The following XKR9 variants were observed in gnomAD, a reference collection of about 807,000 sequenced individuals.
XKR9 encodes the protein XK-related protein 9.
In XKR9, 32 loss-of-function variants were observed where a neutral mutation model predicts 32.0. That is an observed-to-expected ratio of 1.00 (90% confidence interval 0.76 to 1.34). The LOEUF is 1.34. Among genes scored for constraint, XKR9 ranks in the 40% most tolerant of loss-of-function variants. XKR9 has a pLI of 0.00. For missense variants in XKR9, 546 were observed against 429.7 expected, an observed-to-expected ratio of 1.27 and a Z score of -2.39; for synonymous variants, 168 against 143.4, an observed-to-expected ratio of 1.17 and a Z score of -1.22.
intron 4 of XKR9, among the ~76,000 whole-genome samples, chr8:70,728,593 C>T (rs917802682): frequency 1.3e-5 from 2 of 152,094 alleles, no homozygotes; most frequent in Non-Finnish European, 2.9e-5. Context: ...TTGTAGCCCA[C>T]AAAGAATTTA....
chr8:71,054,426 T>C, the XKR9 span, among the ~76,000 whole-genome samples: 2 of 152,180 alleles, frequency 1.3e-5, no homozygotes, highest in East Asian at 1.9e-4. Flanking sequence ...CACTGCTGTT[T>C]TAAAATTTTC....
chr8:70,814,187 G>T, the XKR9 span, among the ~76,000 whole-genome samples: 14 of 151,986 alleles, frequency 9.2e-5, no homozygotes, highest in Middle Eastern at 6.8e-3. Flanking sequence ...GCAAACTATC[G>T]CAAGGACAAA....
intron 3 of XKR9, among the ~76,000 whole-genome samples, chr8:70,694,965 GCC>G (rs1805208584): frequency 6.6e-6 from 1 of 152,106 alleles, no homozygotes; most frequent in East Asian, 1.9e-4. Flanking sequence ...AAGACCGAAG[GCC>G]CTGCTGGAGT....
the XKR9 span, among the ~76,000 whole-genome samples, chr8:71,021,683 A>G: frequency 6.6e-6 from 1 of 151,668 alleles, no homozygotes; most frequent in African/African-American, 2.4e-5. Context: ...TTGTATTTTT[A>G]GTAGAGACGG....
At chr8:70,801,961 G>A in the XKR9 span, among the ~76,000 whole-genome samples, 2 of 148,880 alleles carry the variant, frequency 1.3e-5, no homozygotes, top group Admixed American at 6.7e-5. Context: ...TTGAGATGGA[G>A]TCTTGCTCTG....
intron 4 of XKR9, among the ~76,000 whole-genome samples, chr8:70,717,625 A>C (rs1331022389): frequency 6.6e-6 from 1 of 152,176 alleles, no homozygotes; most frequent in Non-Finnish European, 1.5e-5. Context: ...GGTCCAGCCT[A>C]CAAAACCATT....
intron 2 of XKR9, among the ~76,000 whole-genome samples, chr8:70,756,199 G>T (rs1310775290): frequency 6.6e-6 from 1 of 152,080 alleles, no homozygotes; most frequent in African/African-American, 2.4e-5. Context: ...TGTATTTCTG[G>T]CCTCTCAATT....
downstream of XKR9, among the ~76,000 whole-genome samples, chr8:70,739,486 A>T (rs989336639): frequency 6.6e-6 from 1 of 152,138 alleles, no homozygotes; most frequent in Non-Finnish European, 1.5e-5. Flanking sequence ...TAATATTGTT[A>T]TGTGCGAATT....
Position 70,735,620 on chromosome 8 carries a change from C to G in XKR9, c.*1196C>G, listed in dbSNP as rs1379327925. 1.8e-5 allele frequency: 2 copies of G among 110,320 alleles called. No individual in the cohort carries two copies. The highest frequency in any genetic ancestry group is 3.5e-5 in the Non-Finnish European group (2 of 57,246). 6.8% of individuals were successfully genotyped at this position (110,320 alleles called of 1,614,324 possible). ...TAAAGCTATCCCTCCCCCCTCCCCC[C>G]ACCCCACAACAGTCCCCAGAGTGTG... On this transcript the variant is annotated 3_prime_UTR_variant, in exon 5 of 5. Transcript: ENST00000408926.
At chr8:70,971,502 T>C in the XKR9 span, among the ~76,000 whole-genome samples, 2 of 152,140 alleles carry the variant, frequency 1.3e-5, no homozygotes, top group African/African-American at 4.8e-5. Context: ...TTTTGTTGCA[T>C]TTGCTTTGGG....
intron 2 of XKR9, among the ~76,000 whole-genome samples, chr8:70,781,563 AAG>A (rs1554557299): frequency 6.6e-6 from 1 of 151,796 alleles, no homozygotes; most frequent in Non-Finnish European, 1.5e-5. Context: ...AAAAAAAAAA[AAG>A]AGTTCCCTTT....
intron 2 of XKR9, 110 bp from the exon 3 acceptor site, chr8:70,680,671 G>C (rs1362921978): frequency 6.4e-6 from 1 of 155,350 alleles, no homozygotes; most frequent in Middle Eastern, 3.2e-3. Context: ...ACTGTATTTA[G>C]TGGCAATATA....
intron 4 of XKR9, among the ~76,000 whole-genome samples, chr8:70,716,280 G>GT (rs1026313599): frequency 2.0e-5 from 3 of 152,034 alleles, no homozygotes; most frequent in Admixed American, 6.6e-5. Flanking sequence ...AATATAGAGT[G>GT]TTTTTTTGAA....
the XKR9 span, among the ~76,000 whole-genome samples, chr8:70,982,492 C>G: frequency 4.5e-3 from 679 of 152,230 alleles, 9 homozygotes; most frequent in South Asian, 0.012. Flanking sequence ...ATAAGCCTCT[C>G]CCTGCTCCCA....
At chr8:70,723,484 G>T (rs114701102) in intron 4 of XKR9, among the ~76,000 whole-genome samples, 2,516 of 152,244 alleles carry the variant, frequency 0.017, 54 homozygotes, top group African/African-American at 0.057. Flanking sequence ...TTTGGATGTG[G>T]TTTTTGGTTG....
the XKR9 span, among the ~76,000 whole-genome samples, chr8:70,812,202 C>T: frequency 1.1e-3 from 169 of 152,270 alleles, 2 homozygotes; most frequent in East Asian, 0.031. Context: ...ACATGATTAT[C>T]TCAATAGATG....
chr8:70,902,130 A>G, the XKR9 span, among the ~76,000 whole-genome samples: 1 of 152,182 alleles, frequency 6.6e-6, no homozygotes, highest in Non-Finnish European at 1.5e-5. Context: ...TGTCTTTGCT[A>G]TGTGGGCTCT....
the XKR9 span, among the ~76,000 whole-genome samples, chr8:70,891,772 C>T: frequency 6.6e-6 from 1 of 151,986 alleles, no homozygotes; most frequent in Admixed American, 6.6e-5. Flanking sequence ...CTATTAGGTC[C>T]ATTTGGTCTA....
chr8:71,036,870 CT>C, the XKR9 span, among the ~76,000 whole-genome samples: 322 of 135,372 alleles, frequency 2.4e-3, 1 homozygote, highest in Middle Eastern at 3.8e-3. Flanking sequence ...GAGATTGCAC[CT>C]TTTTTTTTTT....
Sources: gnomAD v4.1 joint callset for allele counts (sites outside exome capture counted in the v4.1 genomes callset) on GRCh38, gnomAD v4.1.1 for gene constraint, MANE v1.5 for transcripts, NCBI Gene and HGNC (gene_info 2026-07-23, HGNC 2026-07-21) for gene names.